Variants in BFSP2 observed in about 807,000 individuals in gnomAD.
BFSP2 encodes the protein beaded filament structural protein 2.
In BFSP2, 38 loss-of-function variants were observed where a neutral mutation model predicts 44.9. The ratio of observed to expected loss-of-function variants is 0.85; its 90% CI spans 0.65 to 1.11. The LOEUF (loss-of-function observed/expected upper bound fraction) is 1.11, where lower values mean the gene tolerates loss of function less well. BFSP2 is among the 50% of genes least tolerant of loss of function. The pLI, the probability that BFSP2 is intolerant of heterozygous loss-of-function variation, is 0.00. For synonymous variants in BFSP2, 197 were observed against 209.9 expected (o/e 0.94, Z 0.53); for missense variants, 525 against 533.0 (o/e 0.99, Z 0.15).
intron 1 of BFSP2, chr3:133,445,555 C>T (rs1283587586): frequency 1.3e-5 from 2 of 152,176 alleles, no homozygotes; most frequent in Non-Finnish European, 2.9e-5. Flanking sequence ...CCATGGGTTC[C>T]ACATCCATGG....
In BFSP2 at chr3:133,475,127, C is replaced by T; in HGVS notation, c.*155C>T. 2 of 1,057,530 alleles carry T rather than the reference C, an allele frequency of 1.9e-6. No homozygotes were observed. Among genetic ancestry groups the T allele is most frequent in the Non-Finnish European group, 2.9e-6 (2 of 687,360 alleles). 65.5% of individuals were successfully genotyped at this position (1,057,530 alleles called of 1,614,324 possible). A position where few individuals can be genotyped will look rare whatever the true frequency, so the allele number is the denominator to read the frequency against. On this transcript the variant is annotated 3_prime_UTR_variant, in exon 7 of 7. Transcript: ENST00000302334. ...AAGCTTCCTGGAAGTGGAGAGGATC[C>T]TTCTGCTTTAATCTGAGTAGTCTGT... is the stretch of plus-strand genomic sequence containing the variant.
intron 1 of BFSP2, among the ~76,000 whole-genome samples, chr3:133,418,424 AAGG>A (rs1383799401): frequency 6.6e-6 from 1 of 152,174 alleles, no homozygotes; most frequent in African/African-American, 2.4e-5. Flanking sequence ...TAACTGGGAC[AAGG>A]AGGAGAAGCC....
intron 4 of BFSP2, among the ~76,000 whole-genome samples, chr3:133,462,344 C>T (rs2074072213): frequency 6.6e-6 from 1 of 152,170 alleles, no homozygotes; most frequent in South Asian, 2.1e-4. Flanking sequence ...TTGAGAAACA[C>T]CTAAATACAG....
intron 1 of BFSP2, among the ~76,000 whole-genome samples, chr3:133,432,085 C>T (rs781087992): frequency 6.6e-6 from 1 of 152,064 alleles, no homozygotes; most frequent in Non-Finnish European, 1.5e-5. Flanking sequence ...ACCTAATCAC[C>T]CTTACCCCTC....
chr3:133,420,425 T>A (rs1324957289), intron 1 of BFSP2, among the ~76,000 whole-genome samples: 1 of 152,126 alleles, frequency 6.6e-6, no homozygotes, highest in Non-Finnish European at 1.5e-5. Flanking sequence ...AGAGGGGATG[T>A]TGAGTTTTTG....
intron 3 of BFSP2, among the ~76,000 whole-genome samples, chr3:133,449,452 G>A (rs2107925098): frequency 6.6e-6 from 1 of 152,252 alleles, no homozygotes. Flanking sequence ...AAGTTTTAGG[G>A]TACATGTGCA....
intron 1 of BFSP2, among the ~76,000 whole-genome samples, chr3:133,433,479 A>T (rs191284154): frequency 2.0e-5 from 3 of 152,246 alleles, no homozygotes; most frequent in African/African-American, 7.2e-5. Context: ...ATCAAGCTCG[A>T]GGATTTGCCC....
chr3:133,472,885 G>T (rs1203473415), intron 6 of BFSP2, among the ~76,000 whole-genome samples: 1 of 151,808 alleles, frequency 6.6e-6, no homozygotes, highest in East Asian at 1.9e-4. Flanking sequence ...GCTTGTAATA[G>T]AACCTAATTA....
intron 5 of BFSP2, 133 bp downstream of exon 5, chr3:133,467,092 C>T: frequency 2.4e-6 from 3 of 1,237,144 alleles, no homozygotes; most frequent in Non-Finnish European, 3.5e-6. Flanking sequence ...CCTGAAATGT[C>T]TTCTGACTCC....
chr3:133,434,515 A>C (rs2073761794), intron 1 of BFSP2, among the ~76,000 whole-genome samples: 1 of 152,034 alleles, frequency 6.6e-6, no homozygotes, highest in African/African-American at 2.4e-5. Context: ...TTTTCTTATT[A>C]ATATAAGAAG....
chr3:133,445,125 G>A (rs569721586), intron 1 of BFSP2, among the ~76,000 whole-genome samples: 1 of 152,356 alleles, frequency 6.6e-6, no homozygotes, highest in African/African-American at 2.4e-5. Context: ...AAGAATGAAT[G>A]AGTGAATAAA....
chr3:133,470,490 G>A (rs1177500293), intron 5 of BFSP2, among the ~76,000 whole-genome samples: 1 of 152,224 alleles, frequency 6.6e-6, no homozygotes, highest in Admixed American at 6.5e-5. Context: ...AAGTATAGGT[G>A]AACCATAGTT....
intron 6 of BFSP2, among the ~76,000 whole-genome samples, chr3:133,473,449 A>AG (rs1003240495): frequency 6.6e-6 from 1 of 151,430 alleles, no homozygotes; most frequent in Non-Finnish European, 1.5e-5. Context: ...AAAAAAAAAA[A>AG]AAAAAAAAAA....
chr3:133,455,606 A>T (rs1412491364), intron 4 of BFSP2: 2 of 152,184 alleles, frequency 1.3e-5, no homozygotes, highest in African/African-American at 4.8e-5. Context: ...CATCCTTGTC[A>T]TCTAACATAA....
chr3:133,456,507 G>A (rs1391464346), intron 4 of BFSP2, among the ~76,000 whole-genome samples: 1 of 152,204 alleles, frequency 6.6e-6, no homozygotes, highest in Non-Finnish European at 1.5e-5. Context: ...AGCACTTTGG[G>A]AGGTCAAGGT....
intron 1 of BFSP2, among the ~76,000 whole-genome samples, chr3:133,419,197 G>C (rs1294938743): frequency 1.3e-5 from 2 of 152,080 alleles, no homozygotes; most frequent in African/African-American, 4.8e-5. Flanking sequence ...CCACCGTCAG[G>C]ACCTCATTTT....
At chr3:133,447,470 T>C in intron 2 of BFSP2, 71 bp downstream of exon 2, 1 of 1,480,288 alleles carries the variant, frequency 6.8e-7, no homozygotes, top group Non-Finnish European at 9.3e-7. Flanking sequence ...GATAATGCTG[T>C]TCTGGAGCCT....
chr3:133,471,669 C>T (rs1001532071), intron 5 of BFSP2, among the ~76,000 whole-genome samples: 3 of 152,004 alleles, frequency 2.0e-5, no homozygotes, highest in African/African-American at 7.3e-5. Flanking sequence ...ATGATGGAGA[C>T]CAACACAGAC....
intron 1 of BFSP2, among the ~76,000 whole-genome samples, chr3:133,408,380 G>A (rs1284924493): frequency 1.3e-5 from 2 of 152,192 alleles, no homozygotes; most frequent in Admixed American, 6.5e-5. Context: ...AAGCTCTAGG[G>A]AAACAGGCAA....
Sources: allele counts gnomAD v4.1 joint callset (sites outside exome capture counted in the v4.1 genomes callset), GRCh38; gene constraint gnomAD v4.1.1; transcripts MANE v1.5; gene names NCBI Gene and HGNC (gene_info 2026-07-23, HGNC 2026-07-21).